The following PABPC4L variants were observed in gnomAD, a reference collection of about 807,000 sequenced individuals.
PABPC4L encodes poly(A) binding protein cytoplasmic 4 like, also known as polyadenylate-binding protein 4-like.
For synonymous variants in PABPC4L, 169 were observed against 164.1 expected (o/e 1.03, Z -0.23); for missense variants, 452 against 451.4 (o/e 1.00, Z -0.01).
At chr4:134,156,929 G>A in the PABPC4L span, among the ~76,000 whole-genome samples, 2 of 151,826 alleles carry the variant, frequency 1.3e-5, no homozygotes, top group Admixed American at 6.6e-5. Context: ...TAATTTAGGT[G>A]ACAATTCCCT....
At chr4:134,088,135 A>C in the PABPC4L span, among the ~76,000 whole-genome samples, 1 of 151,820 alleles carries the variant, frequency 6.6e-6, no homozygotes, top group Non-Finnish European at 1.5e-5. Flanking sequence ...TCCCATTGTT[A>C]TATCCTCCTC....
chr4:133,988,858 C>T, the PABPC4L span, among the ~76,000 whole-genome samples: 227 of 152,296 alleles, frequency 1.5e-3, 1 homozygote, highest in Non-Finnish European at 2.0e-3. Context: ...GCTTGAACAT[C>T]GCGCATTTCC....
the PABPC4L span, among the ~76,000 whole-genome samples, chr4:133,974,217 C>G: frequency 2.0e-5 from 3 of 151,978 alleles, no homozygotes; most frequent in African/African-American, 7.3e-5. Flanking sequence ...ATTTATGATC[C>G]ACTGATTTTC....
At chr4:134,025,398 T>C in the PABPC4L span, among the ~76,000 whole-genome samples, 2 of 151,846 alleles carry the variant, frequency 1.3e-5, no homozygotes, top group African/African-American at 4.8e-5. Flanking sequence ...GAATATTTCT[T>C]CTTCTATTGG....
the PABPC4L span, among the ~76,000 whole-genome samples, chr4:133,991,503 TA>T: frequency 6.6e-6 from 1 of 152,188 alleles, no homozygotes; most frequent in Non-Finnish European, 1.5e-5. Context: ...TGCAGGCATG[TA>T]AGAATCTTTT....
the PABPC4L span, among the ~76,000 whole-genome samples, chr4:134,170,059 T>C: frequency 2.6e-5 from 4 of 152,100 alleles, no homozygotes; most frequent in Admixed American, 2.6e-4. Flanking sequence ...CAAGTAGACC[T>C]GTGTCTGTTT....
the PABPC4L span, among the ~76,000 whole-genome samples, chr4:134,178,314 A>T: frequency 5.4e-4 from 82 of 150,860 alleles, no homozygotes; most frequent in Middle Eastern, 7.0e-3. Flanking sequence ...AGTAAACCAA[A>T]CACACCATAT....
chr4:134,119,956 C>A, the PABPC4L span, among the ~76,000 whole-genome samples: 1 of 151,540 alleles, frequency 6.6e-6, no homozygotes, highest in Non-Finnish European at 1.5e-5. Flanking sequence ...ATTTTTAATC[C>A]ATTTTAACCT....
At chr4:134,074,824 C>G in the PABPC4L span, among the ~76,000 whole-genome samples, 1 of 152,086 alleles carries the variant, frequency 6.6e-6, no homozygotes, top group African/African-American at 2.4e-5. Flanking sequence ...CTTGTGAGAA[C>G]TCACTCACTA....
chr4:134,111,625 G>C, the PABPC4L span, among the ~76,000 whole-genome samples: 19 of 151,842 alleles, frequency 1.3e-4, no homozygotes. Flanking sequence ...GGGATCCAGG[G>C]GGAGGTAACT....
chr4:134,034,360 GT>G, the PABPC4L span, among the ~76,000 whole-genome samples: 1 of 151,812 alleles, frequency 6.6e-6, no homozygotes, highest in Non-Finnish European at 1.5e-5. Flanking sequence ...AATAAATGTT[GT>G]TTTCATGCCT....
the PABPC4L span, among the ~76,000 whole-genome samples, chr4:134,182,021 A>T: frequency 1.3e-5 from 2 of 151,488 alleles, no homozygotes; most frequent in African/African-American, 4.8e-5. Flanking sequence ...AACAAAAATT[A>T]AAAAACTCCC....
the PABPC4L span, among the ~76,000 whole-genome samples, chr4:134,190,062 T>A: frequency 1.3e-5 from 2 of 152,152 alleles, no homozygotes. Flanking sequence ...AAGGACTTTG[T>A]CTGCCTGCAG....
At chr4:134,108,348 A>G in the PABPC4L span, among the ~76,000 whole-genome samples, 5 of 151,836 alleles carry the variant, frequency 3.3e-5, no homozygotes, top group Non-Finnish European at 5.9e-5. Context: ...AAAATTGAAA[A>G]GCTTTTGCTC....
chr4:134,061,944 C>A, the PABPC4L span, among the ~76,000 whole-genome samples: 2 of 151,692 alleles, frequency 1.3e-5, no homozygotes, highest in South Asian at 4.2e-4. Context: ...ATATTGAATA[C>A]CAACCCTCAT....
the PABPC4L span, among the ~76,000 whole-genome samples, chr4:134,145,554 T>C: frequency 0.21 from 31,724 of 151,690 alleles, 4,117 homozygotes; most frequent in Non-Finnish European, 0.27. Context: ...GTAAGTCAAA[T>C]GTAAATGAGG....
the PABPC4L span, among the ~76,000 whole-genome samples, chr4:134,064,399 C>A: frequency 2.6e-5 from 4 of 151,890 alleles, no homozygotes; most frequent in Non-Finnish European, 5.9e-5. Flanking sequence ...AGAGGCAAAG[C>A]AAGAAACTTA....
At chr4:134,044,595 C>T in the PABPC4L span, among the ~76,000 whole-genome samples, 2 of 152,158 alleles carry the variant, frequency 1.3e-5, no homozygotes, top group African/African-American at 2.4e-5. Context: ...GCTTCACCAC[C>T]ACTAATTTTA....
At chr4:134,099,690 A>G in the PABPC4L span, among the ~76,000 whole-genome samples, 3 of 151,668 alleles carry the variant, frequency 2.0e-5, no homozygotes, top group Non-Finnish European at 4.4e-5. Context: ...AATAAGCTTG[A>G]CATTCAAACC....
Sources: allele counts gnomAD v4.1 joint callset (sites outside exome capture counted in the v4.1 genomes callset), GRCh38; gene constraint gnomAD v4.1.1; transcripts MANE v1.5; gene names NCBI Gene and HGNC (gene_info 2026-07-23, HGNC 2026-07-21).